The following LAMA2 variants were observed in gnomAD, a reference collection of about 807,000 sequenced individuals.
LAMA2 encodes the protein laminin subunit alpha 2, also known as laminin subunit alpha-2.
A neutral mutation model predicts 364.8 loss-of-function variants in LAMA2; 269 were observed. That is an observed-to-expected ratio of 0.74 (90% CI 0.67 to 0.82). The LOEUF (loss-of-function observed/expected upper bound fraction) is 0.82, where lower values mean the gene tolerates loss of function less well. Ranked by LOEUF, LAMA2 falls within the 40% of genes least tolerant of loss-of-function variation. LAMA2 has a pLI of 0.00. For synonymous variants in LAMA2, 1,379 were observed against 1,370.6 expected (o/e 1.01, Z -0.14); for missense variants, 3,807 against 3,873.2 (o/e 0.98, Z 0.45).
chr6:129,176,726 CT>C (rs562914153), intron 9 of LAMA2, among the ~76,000 whole-genome samples: 2 of 151,944 alleles, frequency 1.3e-5, no homozygotes, highest in African/African-American at 2.4e-5. Flanking sequence ...TATTTCACAA[CT>C]TTTTTTTCTT....
At chr6:128,938,339 A>T (rs1779955428) in intron 1 of LAMA2, among the ~76,000 whole-genome samples, 1 of 152,172 alleles carries the variant, frequency 6.6e-6, no homozygotes, top group African/African-American at 2.4e-5. Context: ...TATTATTTTT[A>T]TGATTAACTA....
At chr6:129,272,936 A>T (rs1241969754) in intron 17 of LAMA2, among the ~76,000 whole-genome samples, 1 of 152,120 alleles carries the variant, frequency 6.6e-6, no homozygotes, top group East Asian at 1.9e-4. Flanking sequence ...AATTGTCTCC[A>T]ACAAAAGAAG....
chr6:129,065,654 C>T (rs1323929415), intron 3 of LAMA2, among the ~76,000 whole-genome samples: 2 of 152,036 alleles, frequency 1.3e-5, no homozygotes, highest in Non-Finnish European at 2.9e-5. Flanking sequence ...TCCCATTCAC[C>T]ATAGCTAAAA....
At chr6:129,395,613 T>C (rs1264403688) in intron 37 of LAMA2, among the ~76,000 whole-genome samples, 1 of 152,168 alleles carries the variant, frequency 6.6e-6, no homozygotes, top group African/African-American at 2.4e-5. Flanking sequence ...TAAAACACCA[T>C]CTCTGATTAC....
chr6:129,050,778 G>C (rs957995506), intron 2 of LAMA2, among the ~76,000 whole-genome samples: 1 of 152,174 alleles, frequency 6.6e-6, no homozygotes, highest in Admixed American at 6.5e-5. Context: ...GATGAGACTA[G>C]AGCAAAAGGC....
At chr6:129,216,966 G>A (rs1783464321) in intron 12 of LAMA2, among the ~76,000 whole-genome samples, 1 of 152,112 alleles carries the variant, frequency 6.6e-6, no homozygotes, top group Non-Finnish European at 1.5e-5. Flanking sequence ...TGAGGCGGGT[G>A]GATCACGAGG....
intron 35 of LAMA2, 38 bp downstream of exon 35, chr6:129,383,271 C>CA (rs1778798549): frequency 6.8e-7 from 1 of 1,472,718 alleles, no homozygotes; most frequent in African/African-American, 1.4e-5. Context: ...TCATTTCTCC[C>CA]AACAGAAAAA....
At chr6:129,292,814 G>A (rs1398808909) in intron 20 of LAMA2, 1 of 985,662 alleles carries the variant, frequency 1.0e-6, no homozygotes, top group Non-Finnish European at 1.2e-6. Context: ...CCAATATGTG[G>A]CGGGATCCAG....
intron 1 of LAMA2, among the ~76,000 whole-genome samples, chr6:128,960,055 A>G (rs557515919): frequency 6.2e-4 from 94 of 152,186 alleles, no homozygotes; most frequent in Admixed American, 1.4e-3. Context: ...GAGTCTTGCC[A>G]ATTTCCCCTA....
chr6:128,931,878 A>G (rs1779504809), intron 1 of LAMA2, among the ~76,000 whole-genome samples: 2 of 152,164 alleles, frequency 1.3e-5, no homozygotes, highest in African/African-American at 4.8e-5. Flanking sequence ...TTATTGTAAA[A>G]TCTGTTCTTA....
At chr6:129,361,380 C>A (rs919652718) in intron 32 of LAMA2, among the ~76,000 whole-genome samples, 4 of 152,208 alleles carry the variant, frequency 2.6e-5, no homozygotes, top group African/African-American at 9.6e-5. Flanking sequence ...AAAAGTGTGT[C>A]AGTTATCGAT....
intron 14 of LAMA2, among the ~76,000 whole-genome samples, chr6:129,254,851 T>A (rs1224045402): frequency 6.6e-6 from 1 of 152,194 alleles, no homozygotes; most frequent in Non-Finnish European, 1.5e-5. Flanking sequence ...AAGGCTTTTA[T>A]GAAGCACCTA....
At chr6:129,503,660 A>G (rs868106407) in intron 60 of LAMA2, among the ~76,000 whole-genome samples, 2 of 152,232 alleles carry the variant, frequency 1.3e-5, no homozygotes, top group Non-Finnish European at 2.9e-5. Context: ...CTGAGATTAT[A>G]TTATAGCATT....
chr6:128,984,488 C>G (rs900934638), intron 1 of LAMA2, among the ~76,000 whole-genome samples: 3 of 152,110 alleles, frequency 2.0e-5, no homozygotes, highest in Non-Finnish European at 4.4e-5. Flanking sequence ...CTAAATTTCT[C>G]TTTTTCTCTG....
At chr6:129,037,727 T>C (rs1786749713) in intron 1 of LAMA2, among the ~76,000 whole-genome samples, 1 of 151,112 alleles carries the variant, frequency 6.6e-6, no homozygotes, top group Non-Finnish European at 1.5e-5. Flanking sequence ...TGGAGTGCAG[T>C]GGCGCGATCT....
intron 1 of LAMA2, among the ~76,000 whole-genome samples, chr6:128,909,488 G>C (rs1317582908): frequency 6.7e-6 from 1 of 149,654 alleles, no homozygotes; most frequent in East Asian, 2.0e-4. Flanking sequence ...CCATTTGCTT[G>C]GTAGATCTTC....
intron 40 of LAMA2, 124 bp from the exon 41 acceptor site, chr6:129,427,628 A>G: frequency 1.4e-6 from 1 of 737,732 alleles, no homozygotes. Context: ...ATAATTTACA[A>G]TTCTATATCT....
At chr6:129,492,695 A>T (rs1195062469) in intron 58 of LAMA2, among the ~76,000 whole-genome samples, 1 of 152,216 alleles carries the variant, frequency 6.6e-6, no homozygotes. Context: ...TTTCAGTTGA[A>T]ATGTTGGAAA....
At chr6:129,270,557 C>T in intron 16 of LAMA2, 67 bp from the exon 17 acceptor site, 2 of 1,551,878 alleles carry the variant, frequency 1.3e-6, no homozygotes, top group South Asian at 2.2e-5. Context: ...CTTCGTAGAC[C>T]TATTTTTGGC....
Sources: gnomAD v4.1 joint callset for allele counts (sites outside exome capture counted in the v4.1 genomes callset) on GRCh38, gnomAD v4.1.1 for gene constraint, MANE v1.5 for transcripts, NCBI Gene and HGNC (gene_info 2026-07-23, HGNC 2026-07-21) for gene names.